The following CFAP44 variants were observed in gnomAD, a reference collection of about 807,000 sequenced individuals.
The protein encoded by CFAP44 is cilia- and flagella-associated protein 44.
In CFAP44, 134 loss-of-function variants were observed where a neutral mutation model predicts 216.2. That is an observed-to-expected ratio of 0.62 (90% confidence interval 0.54 to 0.72). The LOEUF (loss-of-function observed/expected upper bound fraction) is 0.72. CFAP44 is among the 30% of genes least tolerant of loss of function. The pLI is 0.00. For missense variants in CFAP44, 2,035 were observed against 2,182.1 expected, an observed-to-expected ratio of 0.93 and a Z score of 1.34; for synonymous variants, 700 against 727.6, an observed-to-expected ratio of 0.96 and a Z score of 0.61.
rs556892435 is a variant in CFAP44 at position 113,432,989 on chromosome 3, G to T, written c.100+576C>A. On this transcript the variant is annotated intron_variant, in intron 2 of 34. Coordinates refer to ENST00000393845, the MANE Select transcript of CFAP44 (RefSeq NM_001164496.2). ...CAGTATAATTGTTCTCTGCATGGCT[G>T]CCCAAGTGTCATCCTAGGCATTACC... Among the ~76,000 whole-genome samples the T allele has an allele frequency of 7.2e-4, 109 of 152,170 alleles. 1 individual carries two copies. The highest frequency in any genetic ancestry group is 2.4e-3 in the African/African-American group (99 of 41,526).
At chr3:113,400,081 A>G (rs1934102085) in intron 12 of CFAP44, 81 bp from the exon 13 acceptor site, 1 of 903,396 alleles carries the variant, frequency 1.1e-6, no homozygotes, top group East Asian at 3.0e-5. Flanking sequence ...CATGTTGAAT[A>G]TTATAACAAG....
intron 28 of CFAP44, among the ~76,000 whole-genome samples, chr3:113,315,232 G>C (rs1188086800): frequency 6.6e-6 from 1 of 151,974 alleles, no homozygotes; most frequent in African/African-American, 2.4e-5. Flanking sequence ...TAAATAGATG[G>C]AAAAAGAAAT....
intron 7 of CFAP44, among the ~76,000 whole-genome samples, chr3:113,407,346 GTAAT>G (rs561156088): frequency 1.1e-3 from 172 of 152,302 alleles, no homozygotes; most frequent in African/African-American, 3.9e-3. Context: ...TAGATTTAAA[GTAAT>G]TAACATTAAA....
chr3:113,306,337 A>G lies in CFAP44; in HGVS notation c.4628-6T>C, dbSNP rs1456370506. 1 of 1,533,672 alleles carries G rather than the reference A, an allele frequency of 6.5e-7. No individual in the cohort carries two copies. Among genetic ancestry groups the G allele is most frequent in the Non-Finnish European group, 8.7e-7 (1 of 1,146,022 alleles). Reference sequence around the variant, plus strand: ...AAAAAGAGCCACATCACAATCTGCCAAGAGAATTAAAATAAAAACCAGCCT... The same window carrying G: ...AAAAAGAGCCACATCACAATCTGCCGAGAGAATTAAAATAAAAACCAGCCT... On this transcript the variant is annotated splice_region_variant and splice_polypyrimidine_tract_variant and intron_variant, in intron 29 of 34. Coordinates refer to ENST00000393845, the MANE Select transcript of CFAP44 (RefSeq NM_001164496.2).
rs747556063 is a variant in CFAP44, at chr3:113,366,262, C to T, written c.2492G>A (p.Arg831Gln). ...ATCATTTTGATTTAGGACATAGACT[C>T]GAATTGCTCCATTTTTCATTCCACA... The part of the protein sequence containing the change: ...MFCGMKNGAI[R>Q]VYVLNQNDPS... Residue 831 changes from arginine to glutamine, a missense_variant, in exon 19 of 35, where the codon CGA becomes CAA. Coordinates refer to ENST00000393845, the MANE Select transcript of CFAP44 (RefSeq NM_001164496.2). The T allele has an allele frequency of 6.2e-6, 10 of 1,611,396 alleles. No individual in the cohort carries two copies. Among genetic ancestry groups the T allele is most frequent in the South Asian group, 4.4e-5 (4 of 90,598 alleles).
chr3:113,392,304 G>A (rs1435987593), intron 15 of CFAP44, among the ~76,000 whole-genome samples: 2 of 151,416 alleles, frequency 1.3e-5, no homozygotes, highest in African/African-American at 4.9e-5. Flanking sequence ...GGTACAGAAA[G>A]ACAAACATCA....
At chr3:113,413,553 G>A (rs1247097983) in intron 6 of CFAP44, among the ~76,000 whole-genome samples, 1 of 152,140 alleles carries the variant, frequency 6.6e-6, no homozygotes, top group African/African-American at 2.4e-5. Context: ...TGTATAAGGT[G>A]TAAGGAAGAG....
intron 26 of CFAP44, among the ~76,000 whole-genome samples, chr3:113,329,481 T>C (rs975567695): frequency 6.6e-6 from 1 of 151,984 alleles, no homozygotes; most frequent in Non-Finnish European, 1.5e-5. Flanking sequence ...GAGATAATGG[T>C]GAAGAATAAG....
rs892922410 is a variant in CFAP44, at chr3:113,288,995, C to T, written c.*2562G>A. ...GTGTAGGCTGATTTTTGGCCTTACC[C>T]TCAGAGGTGAGGCTGCTCCTCTGGG... On this transcript the variant is annotated 3_prime_UTR_variant, in exon 35 of 35. Coordinates refer to ENST00000393845, the MANE Select transcript of CFAP44 (RefSeq NM_001164496.2). 5 of 152,142 alleles carry T rather than the reference C, an allele frequency of 3.3e-5. No homozygotes were observed. Among genetic ancestry groups the T allele is most frequent in the Non-Finnish European group, 7.4e-5 (5 of 68,026 alleles). The allele number at this position is 152,142 out of a possible 1,614,324, so 9.4% of individuals were successfully genotyped here.
intron 22 of CFAP44, among the ~76,000 whole-genome samples, chr3:113,354,415 A>T (rs573188996): frequency 8.5e-4 from 129 of 152,304 alleles, no homozygotes; most frequent in Non-Finnish European, 1.3e-3. Flanking sequence ...CCTGCTCAGC[A>T]GCTGCCTGGA....
intron 16 of CFAP44, among the ~76,000 whole-genome samples, chr3:113,379,947 C>T (rs1245011338): frequency 6.6e-6 from 1 of 152,150 alleles, no homozygotes; most frequent in Non-Finnish European, 1.5e-5. Context: ...TTTGCAAAAG[C>T]CCTCTGACAC....
chr3:113,432,508 T>C (rs1935132234), intron 2 of CFAP44, among the ~76,000 whole-genome samples: 1 of 152,234 alleles, frequency 6.6e-6, no homozygotes, highest in African/African-American at 2.4e-5. Context: ...TTTTAGCTTT[T>C]AATCTTTTTT....
chr3:113,314,350 T>C (rs1950067952), intron 28 of CFAP44, among the ~76,000 whole-genome samples: 2 of 152,158 alleles, frequency 1.3e-5, no homozygotes, highest in Admixed American at 6.5e-5. Context: ...TTAGAAACCA[T>C]GGAAGCCGAA....
chr3:113,385,880 G>C (rs1933637986), intron 15 of CFAP44, among the ~76,000 whole-genome samples: 1 of 151,806 alleles, frequency 6.6e-6, no homozygotes, highest in African/African-American at 2.4e-5. Context: ...CTGACCTCAG[G>C]TGATCTGCCT....
At chr3:113,426,444 G>A (rs1439588714) in intron 3 of CFAP44, among the ~76,000 whole-genome samples, 167 bp from the exon 4 acceptor site, 1 of 152,138 alleles carries the variant, frequency 6.6e-6, no homozygotes, top group Admixed American at 6.5e-5. Context: ...TCATGATGGT[G>A]TATGAGTTCT....
chr3:113,403,995 C>T lies in CFAP44; in HGVS notation c.1027G>A (p.Gly343Ser). 1 of 1,613,636 alleles carries T rather than the reference C, an allele frequency of 6.2e-7. No individual in the cohort carries two copies. The highest frequency in any genetic ancestry group is 8.5e-7 in the Non-Finnish European group (1 of 1,179,804). ...DGKVLSGSEWGNMLLWEGGLI... is the reference protein window; with the variant it reads ...DGKVLSGSEWSNMLLWEGGLI... ...CCACCTTCCCAAAGCAGCATGTTGCCCCATTCTGACCCTGAGAGCACCTGG... is the reference window on the plus strand; with the variant it reads ...CCACCTTCCCAAAGCAGCATGTTGCTCCATTCTGACCCTGAGAGCACCTGG... Residue 343 changes from glycine (G) to serine (S), a missense_variant, in exon 9 of 35, where the codon GGC becomes AGC. Coordinates refer to ENST00000393845, the MANE Select transcript of CFAP44 (RefSeq NM_001164496.2).
chr3:113,306,334 G>A lies in CFAP44; in HGVS notation c.4628-3C>T, dbSNP rs1161034575. On this transcript the variant is annotated splice_region_variant and splice_polypyrimidine_tract_variant and intron_variant, in intron 29 of 34. Coordinates refer to ENST00000393845, the MANE Select transcript of CFAP44 (RefSeq NM_001164496.2). ...CTCAAAAAGAGCCACATCACAATCT[G>A]CCAAGAGAATTAAAATAAAAACCAG... The A allele has an allele frequency of 6.5e-7, 1 of 1,533,714 alleles. No homozygotes were observed. Among genetic ancestry groups the A allele is most frequent in the African/African-American group, 1.4e-5 (1 of 72,816 alleles).
intron 18 of CFAP44, among the ~76,000 whole-genome samples, chr3:113,372,323 C>A (rs1933194444): frequency 2.0e-5 from 3 of 152,164 alleles, no homozygotes; most frequent in African/African-American, 7.2e-5. Context: ...AGACTTGGAA[C>A]CAACCCAAAT....
chr3:113,414,458 C>T (rs1934585086), intron 6 of CFAP44, among the ~76,000 whole-genome samples: 1 of 152,126 alleles, frequency 6.6e-6, no homozygotes, highest in Admixed American at 6.6e-5. Context: ...GAGAATGCTT[C>T]CAACTTTTGC....
Sources: allele counts gnomAD v4.1 joint callset (sites outside exome capture counted in the v4.1 genomes callset), GRCh38; gene constraint gnomAD v4.1.1; transcripts MANE v1.5; gene names NCBI Gene and HGNC (gene_info 2026-07-23, HGNC 2026-07-21).